The following MREG variants were observed in gnomAD, a reference collection of about 807,000 sequenced individuals.
MREG encodes the protein melanoregulin, also known as dilute suppressor protein homolog.
Under a neutral mutation model 28.5 loss-of-function variants are expected in MREG, and 31 were observed. That is an observed-to-expected ratio of 1.09 (90% CI 0.82 to 1.47). The LOEUF is 1.47. Ranked by LOEUF, MREG falls within the 40% of genes most tolerant of loss-of-function variation. The pLI is 0.00. For missense variants in MREG, 256 were observed against 257.4 expected (o/e 0.99, Z 0.04); for synonymous variants, 106 against 95.2 (o/e 1.11, Z -0.66).
At chr2:216,021,560 G>C (rs1043925994) in intron 1 of MREG, among the ~76,000 whole-genome samples, 4 of 152,114 alleles carry the variant, frequency 2.6e-5, no homozygotes, top group Non-Finnish European at 4.4e-5. Flanking sequence ...CTTTAATGTT[G>C]TTCCATAGGC....
chr2:216,000,220 G>A (rs1693981059), intron 1 of MREG, among the ~76,000 whole-genome samples: 1 of 152,132 alleles, frequency 6.6e-6, no homozygotes, highest in African/African-American at 2.4e-5. Flanking sequence ...ATACTGCAGT[G>A]CTTGACTTCT....
At chr2:215,990,519 T>G (rs1007509095) in intron 2 of MREG, among the ~76,000 whole-genome samples, 1 of 152,192 alleles carries the variant, frequency 6.6e-6, no homozygotes, top group Non-Finnish European at 1.5e-5. Context: ...AGCATCATAA[T>G]GATGGGATCA....
At chr2:215,970,745 G>A (rs16855175) in intron 2 of MREG, among the ~76,000 whole-genome samples, 2,451 of 152,262 alleles carry the variant, frequency 0.016, 32 homozygotes, top group Middle Eastern at 0.024. Context: ...AAGCTCAAAC[G>A]TTACACGAGA....
chr2:216,029,388 G>A (rs1694645646), intron 1 of MREG, among the ~76,000 whole-genome samples: 1 of 152,158 alleles, frequency 6.6e-6, no homozygotes, highest in Non-Finnish European at 1.5e-5. Context: ...TGAGGCAGGC[G>A]AATTGCTTGA....
At chr2:215,994,563 A>T (rs1354657179) in intron 2 of MREG, among the ~76,000 whole-genome samples, 1 of 151,534 alleles carries the variant, frequency 6.6e-6, no homozygotes, top group East Asian at 1.9e-4. Flanking sequence ...TAATTTTAAA[A>T]AAAAAGAGGG....
At chr2:215,954,483 C>CACACACACACACAA (rs3220063) in intron 2 of MREG, among the ~76,000 whole-genome samples, 1 of 150,784 alleles carries the variant, frequency 6.6e-6, no homozygotes, top group Admixed American at 6.6e-5. Flanking sequence ...CACACACACA[C>CACACACACACACAA]AAAACAACCA....
At chr2:215,958,026 C>T (rs1232407379) in intron 2 of MREG, among the ~76,000 whole-genome samples, 2 of 149,734 alleles carry the variant, frequency 1.3e-5, no homozygotes, top group African/African-American at 4.9e-5. Flanking sequence ...AAACACCGCA[C>T]GTTCTCACTC....
rs376924742 is a variant in MREG at position 216,027,368 on chromosome 2, T to C, written c.-68+5421A>G. 3.3e-5 allele frequency among the ~76,000 whole-genome samples: 5 copies of C among 152,166 alleles called. No homozygotes were observed. The East Asian group carries it at 7.7e-4, about 23-fold the overall frequency. On this transcript the variant is annotated intron_variant, in intron 1 of 3. Coordinates refer to the MREG transcript ENST00000420348. ...AGAGTTCGAAGCTCTCTAAGAGAAA[T>C]TTAACTTTGAAGTAAGAATAATAGT... is the stretch of plus-strand genomic sequence containing the variant.
rs567529836 is a variant in MREG at position 215,965,852 on chromosome 2, G to A, written c.256-18739C>T. On this transcript the variant is annotated intron_variant, in intron 2 of 4. Transcript: ENST00000263268. ...TGATCCCAGGAAAAAAGGAATGAAG[G>A]CAGGTGAACCAATCTAATTTCTCAT... Among the ~76,000 whole-genome samples the A allele has an allele frequency of 1.5e-4, 23 of 152,294 alleles. 1 individual carries two copies. The highest frequency in any genetic ancestry group is 5.5e-4 in the African/African-American group (23 of 41,554).
At chr2:216,006,102 A>G (rs916023200) in intron 1 of MREG, among the ~76,000 whole-genome samples, 3 of 152,344 alleles carry the variant, frequency 2.0e-5, no homozygotes, top group African/African-American at 7.2e-5. Flanking sequence ...GTAGTGATAA[A>G]ATCACTTCAA....
chr2:216,020,232 A>G (rs570736133), intron 1 of MREG, among the ~76,000 whole-genome samples: 13 of 152,328 alleles, frequency 8.5e-5, no homozygotes, highest in African/African-American at 3.1e-4. Context: ...CACTCAAACT[A>G]GTTTAAGAAG....
chr2:215,947,168 C>A (rs1692346536), intron 2 of MREG, 55 bp from the exon 3 acceptor site: 3 of 1,131,650 alleles, frequency 2.7e-6, no homozygotes, highest in Non-Finnish European at 3.9e-6. Context: ...AAACCTCTAT[C>A]TCATTCCCAA....
chr2:216,011,319 T>C (rs543705107), intron 1 of MREG, among the ~76,000 whole-genome samples: 3 of 152,334 alleles, frequency 2.0e-5, no homozygotes, highest in South Asian at 4.1e-4. Context: ...TATTGTTATA[T>C]GGAAATGGTG....
At chr2:215,966,708 T>C (rs1002168550) in intron 2 of MREG, among the ~76,000 whole-genome samples, 1 of 151,694 alleles carries the variant, frequency 6.6e-6, no homozygotes, top group Non-Finnish European at 1.5e-5. Context: ...TTCAAGCAAT[T>C]CTCCTGCCTC....
At chr2:215,959,665 C>A (rs569566509) in intron 2 of MREG, among the ~76,000 whole-genome samples, 1 of 152,204 alleles carries the variant, frequency 6.6e-6, no homozygotes, top group Non-Finnish European at 1.5e-5. Flanking sequence ...CATGATCTGA[C>A]CTTTCTGGTC....
chr2:215,973,929 C>T (rs1307949896), intron 2 of MREG, among the ~76,000 whole-genome samples: 2 of 152,170 alleles, frequency 1.3e-5, no homozygotes, highest in African/African-American at 2.4e-5. Flanking sequence ...ATGCTTGTGG[C>T]CTCCTGCTGC....
At chr2:215,997,980 A>G (rs1374428027) in intron 1 of MREG, among the ~76,000 whole-genome samples, 4 of 152,162 alleles carry the variant, frequency 2.6e-5, no homozygotes, top group African/African-American at 9.6e-5. Context: ...GTGATGAGGT[A>G]CAGGTCAGAC....
At chr2:215,955,263 A>C (rs1692591760) in intron 2 of MREG, among the ~76,000 whole-genome samples, 1 of 152,332 alleles carries the variant, frequency 6.6e-6, no homozygotes, top group East Asian at 1.9e-4. Context: ...TAATAAACAT[A>C]TTTGTTTTGT....
At chr2:215,976,180 G>C (rs999780932) in intron 2 of MREG, among the ~76,000 whole-genome samples, 1 of 151,590 alleles carries the variant, frequency 6.6e-6, no homozygotes, top group Non-Finnish European at 1.5e-5. Flanking sequence ...AGTTCCACTT[G>C]CAACAATCTG....
Sources: allele counts gnomAD v4.1 joint callset (sites outside exome capture counted in the v4.1 genomes callset), GRCh38; gene constraint gnomAD v4.1.1; transcripts MANE v1.5; gene names NCBI Gene and HGNC (gene_info 2026-07-23, HGNC 2026-07-21).